SVEP1: variants seen among roughly 807,000 people sequenced by gnomAD.
The protein encoded by SVEP1 is sushi, von Willebrand factor type A, EGF and pentraxin domain containing 1.
Under a neutral mutation model 367.3 loss-of-function variants are expected in SVEP1, and 164 were observed. The observed-to-expected ratio is 0.45, with a 90% CI of 0.39 to 0.51. The LOEUF (loss-of-function observed/expected upper bound fraction) is 0.51. Ranked by LOEUF, SVEP1 falls within the 20% of genes least tolerant of loss-of-function variation. The pLI, the probability that SVEP1 is intolerant of heterozygous loss-of-function variation, is 0.00. For synonymous variants in SVEP1, 1,666 were observed against 1,611.6 expected (o/e 1.03, Z -0.81); for missense variants, 4,117 against 4,425.3 (o/e 0.93, Z 1.98).
At chr9:110,566,477 C>T (rs941056908) in intron 1 of SVEP1, among the ~76,000 whole-genome samples, 1 of 152,060 alleles carries the variant, frequency 6.6e-6, no homozygotes, top group African/African-American at 2.4e-5. Context: ...TTATCATATA[C>T]CATGATTCAT....
intron 5 of SVEP1, among the ~76,000 whole-genome samples, chr9:110,504,390 A>G (rs144407779): frequency 1.3e-5 from 2 of 152,256 alleles, no homozygotes; most frequent in African/African-American, 4.8e-5. Context: ...GGCTGTCTCA[A>G]TTGAGAGAGT....
At chr9:110,487,352 A>T (rs993567205) in intron 9 of SVEP1, among the ~76,000 whole-genome samples, 2 of 152,256 alleles carry the variant, frequency 1.3e-5, no homozygotes, top group African/African-American at 4.8e-5. Flanking sequence ...ATGAAAAATT[A>T]AAACTTGGCA....
intron 26 of SVEP1, 112 bp from the exon 27 acceptor site, chr9:110,443,832 T>C (rs1208084524): frequency 3.3e-6 from 3 of 907,102 alleles, no homozygotes; most frequent in East Asian, 6.1e-5. Context: ...TAAAGTACTT[T>C]GTGTAAATCC....
At chr9:110,486,367 T>G (rs1267929251) in intron 9 of SVEP1, among the ~76,000 whole-genome samples, 1 of 152,148 alleles carries the variant, frequency 6.6e-6, no homozygotes, top group Non-Finnish European at 1.5e-5. Context: ...CGACAGCAGA[T>G]GTACTGTCTC....
chr9:110,406,013 G>T, intron 38 of SVEP1, 147 bp downstream of exon 38: 1 of 957,542 alleles, frequency 1.0e-6, no homozygotes, highest in Non-Finnish European at 1.4e-6. Flanking sequence ...ATTGTAGGTA[G>T]AATAAAGCCA....
intron 40 of SVEP1, among the ~76,000 whole-genome samples, chr9:110,395,226 C>T (rs377183679): frequency 1.9e-4 from 29 of 151,914 alleles, no homozygotes; most frequent in African/African-American, 6.0e-4. Context: ...GAATTTTCAA[C>T]CCAGAATTTC....
rs1264752191 is a variant in SVEP1 at position 110,410,923 on chromosome 9, T to G, written c.6648+140A>C. 6.4e-6 allele frequency: 4 copies of G among 623,722 alleles called. No homozygotes were observed. In the South Asian group the frequency reaches 1.3e-4, roughly 20 times the overall value. The allele number at this position is 623,722 out of a possible 1,614,324, so 38.6% of individuals were successfully genotyped here. A position where few individuals can be genotyped will look rare whatever the true frequency, so the allele number is the denominator to read the frequency against. ...ATGTTAAAAAGATTATCATGATTCT[T>G]TGTTAGTGATAATAGTAAATTCCAG... is the stretch of plus-strand genomic sequence containing the variant. On this transcript the variant is annotated intron_variant, in intron 37 of 47. Coordinates refer to ENST00000374469, the MANE Select transcript of SVEP1 (RefSeq NM_153366.4).
At chr9:110,564,513 G>A (rs2118874279) in intron 1 of SVEP1, among the ~76,000 whole-genome samples, 1 of 152,296 alleles carries the variant, frequency 6.6e-6, no homozygotes, top group South Asian at 2.1e-4. Context: ...GTGCAAAGGA[G>A]TGGAGGTTGA....
intron 2 of SVEP1, among the ~76,000 whole-genome samples, chr9:110,548,429 C>T (rs910195781): frequency 1.3e-5 from 2 of 152,068 alleles, no homozygotes; most frequent in African/African-American, 4.8e-5. Context: ...ACTTTCTCAT[C>T]CCTTTATATG....
chr9:110,424,026 A>T (rs946465136), intron 36 of SVEP1, among the ~76,000 whole-genome samples: 1 of 152,226 alleles, frequency 6.6e-6, no homozygotes, highest in African/African-American at 2.4e-5. Context: ...GAGCTAGGGA[A>T]GCTATCTCAC....
At chr9:110,514,663 T>C (rs1313410416) in intron 3 of SVEP1, among the ~76,000 whole-genome samples, 1 of 152,182 alleles carries the variant, frequency 6.6e-6, no homozygotes, top group Non-Finnish European at 1.5e-5. Context: ...TAGTTTCAAA[T>C]ACAACACAAC....
At chr9:110,467,978 G>C (rs1404699759) in intron 17 of SVEP1, among the ~76,000 whole-genome samples, 2 of 111,984 alleles carry the variant, frequency 1.8e-5, no homozygotes, top group Admixed American at 1.1e-4. Context: ...CTTTCTCCAC[G>C]TGACATGCCT....
chr9:110,520,933 C>T (rs1232349645), intron 3 of SVEP1, among the ~76,000 whole-genome samples: 1 of 152,038 alleles, frequency 6.6e-6, no homozygotes, highest in Admixed American at 6.6e-5. Context: ...TAATGGCATC[C>T]CCTGGAGTTG....
intron 21 of SVEP1, 146 bp downstream of exon 21, chr9:110,457,108 ATT>A: frequency 1.8e-6 from 1 of 564,050 alleles, no homozygotes; most frequent in South Asian, 3.3e-5. Context: ...TTTTTCACCT[ATT>A]GTTTATCTTG....
chr9:110,552,856 T>G (rs751385623), intron 1 of SVEP1, among the ~76,000 whole-genome samples: 1 of 152,122 alleles, frequency 6.6e-6, no homozygotes, highest in Non-Finnish European at 1.5e-5. Context: ...AGAGGGCACC[T>G]GAAGAAGCTT....
At chr9:110,508,991 G>C (rs1300817755) in intron 5 of SVEP1, among the ~76,000 whole-genome samples, 6 of 152,056 alleles carry the variant, frequency 3.9e-5, no homozygotes, top group Admixed American at 3.9e-4. Flanking sequence ...TTTTGAGAAA[G>C]TATAATATAA....
chr9:110,392,882 G>A (rs59076812), intron 40 of SVEP1, among the ~76,000 whole-genome samples: 3,244 of 152,142 alleles, frequency 0.021, 113 homozygotes, highest in African/African-American at 0.074. Flanking sequence ...GAATACTTTC[G>A]ATGTGTAGTC....
chr9:110,371,807 T>C (rs921702913), intron 46 of SVEP1, among the ~76,000 whole-genome samples: 3 of 152,238 alleles, frequency 2.0e-5, no homozygotes, highest in African/African-American at 7.2e-5. Flanking sequence ...TCTTTTGTGG[T>C]TGTTTCTCCA....
chr9:110,435,320 T>C lies in SVEP1; in HGVS notation c.4809A>G (p.Gly1603=). The change falls in exon 29 of 48, where the codon GGA becomes GGG. Residue 1603 remains glycine (G), a synonymous_variant. Coordinates refer to ENST00000374469, the MANE Select transcript of SVEP1 (RefSeq NM_153366.4). ...ATSCPEELSK[G]NVLAWPDFLS... ...AGAAATCAGGCCATGCTAACACGTT[T>C]CCTTTACTGAGTTCCTCTGGGCAGG... is the stretch of plus-strand genomic sequence containing the variant. 6.2e-7 allele frequency: 1 copy of C among 1,613,680 alleles called. No individual in the cohort carries two copies. The highest frequency in any genetic ancestry group is 8.5e-7 in the Non-Finnish European group (1 of 1,179,612).
Sources: allele counts gnomAD v4.1 joint callset (sites outside exome capture counted in the v4.1 genomes callset), GRCh38; gene constraint gnomAD v4.1.1; transcripts MANE v1.5; gene names NCBI Gene and HGNC (gene_info 2026-07-23, HGNC 2026-07-21).